LDB2: variants seen among roughly 807,000 people sequenced by gnomAD.
The protein encoded by LDB2 is LIM domain binding 2.
A neutral mutation model predicts 44.3 loss-of-function variants in LDB2; 12 were observed. That is an observed-to-expected ratio of 0.27 (90% CI 0.17 to 0.44). The LOEUF (loss-of-function observed/expected upper bound fraction) is 0.44. Among genes scored for constraint, LDB2 ranks in the 20% least tolerant of loss-of-function variants. The probability of loss-of-function intolerance (pLI) is 1.00; values close to 1 mark genes in which losing one functional copy is unlikely to be tolerated. For missense variants in LDB2, 344 were observed against 473.5 expected (o/e 0.73, Z 2.54); for synonymous variants, 164 against 174.8 (o/e 0.94, Z 0.49).
rs376394172 is a variant in LDB2, at chr4:16,819,849, C to G, written c.133-60589G>C. Among the ~76,000 whole-genome samples, 274 of 152,278 alleles carry G rather than the reference C, an allele frequency of 1.8e-3. 2 individuals are homozygous for G. The highest frequency in any genetic ancestry group is 6.3e-3 in the African/African-American group (262 of 41,558). On this transcript the variant is annotated intron_variant, in intron 1 of 7. Coordinates refer to ENST00000304523, the MANE Select transcript of LDB2 (RefSeq NM_001290.5). ...GATTCAGCAGTTCTACAAATGTTGA[C>G]AAGCACCTATTTGGAAGTATTAAGA...
intron 1 of LDB2, among the ~76,000 whole-genome samples, chr4:16,822,538 CAG>C (rs1782293404): frequency 6.6e-6 from 1 of 152,064 alleles, no homozygotes; most frequent in African/African-American, 2.4e-5. Context: ...CTTTTTGAGA[CAG>C]AGTCTTGCTC....
intron 1 of LDB2, among the ~76,000 whole-genome samples, chr4:16,786,981 C>T (rs1052232729): frequency 1.3e-5 from 2 of 151,988 alleles, no homozygotes; most frequent in Non-Finnish European, 2.9e-5. Context: ...TTCCATCTCC[C>T]CTGAAGTTTT....
chr4:16,633,865 C>T (rs1335677530), intron 2 of LDB2, among the ~76,000 whole-genome samples: 2 of 152,294 alleles, frequency 1.3e-5, no homozygotes, highest in African/African-American at 4.8e-5. Flanking sequence ...TCAAACTATA[C>T]TAAAAGGCTA....
chr4:16,642,799 G>A (rs896346014), intron 2 of LDB2, among the ~76,000 whole-genome samples: 1 of 152,040 alleles, frequency 6.6e-6, no homozygotes, highest in African/African-American at 2.4e-5. Context: ...GATGACCACG[G>A]GTAACTGCCA....
chr4:16,766,468 ATGTGTGTGTG>A (rs1218763626), intron 1 of LDB2, among the ~76,000 whole-genome samples: 80 of 41,336 alleles, frequency 1.9e-3, no homozygotes, highest in African/African-American at 3.3e-3. Context: ...ACACACATAT[ATGTGTGTGTG>A]TGTGTGTGTG....
intron 6 of LDB2, among the ~76,000 whole-genome samples, chr4:16,508,932 T>C (rs1163814324): frequency 1.3e-5 from 2 of 152,346 alleles, no homozygotes; most frequent in African/African-American, 4.8e-5. Context: ...TTCTCTCTAA[T>C]GGTATGTATT....
At chr4:16,790,925 G>A (rs1421069574) in intron 1 of LDB2, among the ~76,000 whole-genome samples, 1 of 148,116 alleles carries the variant, frequency 6.8e-6, no homozygotes. Flanking sequence ...CCAGGACTTA[G>A]GCTGTGTGGA....
intron 2 of LDB2, among the ~76,000 whole-genome samples, chr4:16,662,484 A>C (rs958248653): frequency 1.3e-5 from 2 of 152,210 alleles, no homozygotes; most frequent in African/African-American, 4.8e-5. Flanking sequence ...TCATCCAATC[A>C]TAACAAACAG....
At chr4:16,895,554 G>GTGTGTA (rs1316713603) in intron 1 of LDB2, among the ~76,000 whole-genome samples, 7 of 151,870 alleles carry the variant, frequency 4.6e-5, no homozygotes, top group Non-Finnish European at 1.0e-4. Flanking sequence ...TTGTGTGTGT[G>GTGTGTA]TGTGTGTGAG....
intron 5 of LDB2, among the ~76,000 whole-genome samples, chr4:16,522,857 A>T (rs1026545706): frequency 6.6e-6 from 1 of 152,220 alleles, no homozygotes; most frequent in Non-Finnish European, 1.5e-5. Context: ...AGAAAGAGGA[A>T]TCATCTGCCT....
chr4:16,722,773 TGTTTATAA>T, intron 2 of LDB2, among the ~76,000 whole-genome samples: 1 of 152,246 alleles, frequency 6.6e-6, no homozygotes, highest in Non-Finnish European at 1.5e-5. Context: ...ATACTGTATT[TGTTTATAA>T]GAGGACAGAA....
intron 2 of LDB2, among the ~76,000 whole-genome samples, chr4:16,719,412 G>A (rs1380053782): frequency 2.0e-5 from 3 of 152,020 alleles, no homozygotes; most frequent in Non-Finnish European, 4.4e-5. Flanking sequence ...TTTTTACTAT[G>A]TCCGTTCCAC....
chr4:16,878,737 C>CT (rs1191436821), intron 1 of LDB2, among the ~76,000 whole-genome samples: 1 of 152,240 alleles, frequency 6.6e-6, no homozygotes, highest in East Asian at 1.9e-4. Context: ...CAGCTCCCTC[C>CT]TGCTACAGGG....
At chr4:16,623,650 T>C (rs1477661833) in intron 2 of LDB2, among the ~76,000 whole-genome samples, 1 of 151,982 alleles carries the variant, frequency 6.6e-6, no homozygotes, top group Non-Finnish European at 1.5e-5. Context: ...CAATGTGCTG[T>C]CAATTAAGTG....
At chr4:16,608,360 C>T (rs777374549) in intron 2 of LDB2, among the ~76,000 whole-genome samples, 7 of 152,110 alleles carry the variant, frequency 4.6e-5, no homozygotes, top group Non-Finnish European at 7.4e-5. Context: ...GCTTCTGACC[C>T]TTGGATTGTC....
At chr4:16,740,616 C>T (rs1053337030) in intron 2 of LDB2, among the ~76,000 whole-genome samples, 1 of 152,224 alleles carries the variant, frequency 6.6e-6, no homozygotes. Flanking sequence ...TCTAATAGAA[C>T]TCATGGACTT....
intron 1 of LDB2, among the ~76,000 whole-genome samples, chr4:16,782,311 C>T (rs568449795): frequency 6.4e-4 from 98 of 152,120 alleles, no homozygotes; most frequent in Middle Eastern, 3.4e-3. Context: ...ATATACTTGG[C>T]GCTCAACAAA....
intron 1 of LDB2, among the ~76,000 whole-genome samples, chr4:16,843,778 C>A (rs578054535): frequency 6.6e-6 from 1 of 151,988 alleles, no homozygotes; most frequent in Non-Finnish European, 1.5e-5. Flanking sequence ...TGTGCCACCA[C>A]GCCCAGCTAA....
At chr4:16,791,997 G>A (rs1044136468) in intron 1 of LDB2, among the ~76,000 whole-genome samples, 6 of 152,094 alleles carry the variant, frequency 3.9e-5, no homozygotes, top group Admixed American at 1.3e-4. Context: ...AGTGACTTAC[G>A]TAGATAAACT....
Sources: allele counts gnomAD v4.1 joint callset (sites outside exome capture counted in the v4.1 genomes callset), GRCh38; gene constraint gnomAD v4.1.1; transcripts MANE v1.5; gene names NCBI Gene and HGNC (gene_info 2026-07-23, HGNC 2026-07-21).